Variants in KIF1B observed in about 807,000 individuals in gnomAD.
KIF1B encodes kinesin family member 1B, also known as kinesin-like protein KIF1B.
Under a neutral mutation model 241.9 loss-of-function variants are expected in KIF1B, and 76 were observed. The ratio of observed to expected loss-of-function variants is 0.31; its 90% CI spans 0.26 to 0.38. The LOEUF (loss-of-function observed/expected upper bound fraction) is 0.38, where lower values mean the gene tolerates loss of function less well. Among genes scored for constraint, KIF1B ranks in the 10% least tolerant of loss-of-function variants. The pLI is 1.00. For synonymous variants in KIF1B, 750 were observed against 796.7 expected (o/e 0.94, Z 0.99); for missense variants, 1,622 against 2,271.4 (o/e 0.71, Z 5.81).
chr1:10,215,833 G>A (rs149757732), intron 1 of KIF1B, among the ~76,000 whole-genome samples: 7 of 152,274 alleles, frequency 4.6e-5, no homozygotes, highest in South Asian at 2.1e-4. Flanking sequence ...AAAGGCATGA[G>A]CCCCTGTGCC....
At chr1:10,332,776 A>G (rs1652002635) in intron 27 of KIF1B, among the ~76,000 whole-genome samples, 1 of 149,470 alleles carries the variant, frequency 6.7e-6, no homozygotes, top group African/African-American at 2.5e-5. Flanking sequence ...CGGCCTCCCA[A>G]AGTGCTGGGA....
At chr1:10,245,004 T>C (rs1647190387) in intron 2 of KIF1B, among the ~76,000 whole-genome samples, 1 of 152,196 alleles carries the variant, frequency 6.6e-6, no homozygotes, top group Non-Finnish European at 1.5e-5. Context: ...CTAAACGTGC[T>C]TGGTTACTAA....
At chr1:10,271,331 T>TTTAA (rs1487332402) in intron 7 of KIF1B, among the ~76,000 whole-genome samples, 171 bp from the exon 8 acceptor site, 2 of 152,208 alleles carry the variant, frequency 1.3e-5, no homozygotes, top group Non-Finnish European at 2.9e-5. Context: ...GTGTGTACTG[T>TTTAA]TTAAACTAAC....
intron 32 of KIF1B, among the ~76,000 whole-genome samples, chr1:10,341,640 C>T (rs565471699): frequency 6.6e-6 from 1 of 152,250 alleles, no homozygotes; most frequent in South Asian, 2.1e-4. Context: ...AAGAGTCCTG[C>T]ATAGTAAAAT....
In KIF1B at chr1:10,380,680, T is replaced by A. The variant is rs1638999079; in HGVS notation, c.*4093T>A. 3 of 200,244 alleles carry A rather than the reference T, an allele frequency of 1.5e-5. No homozygotes were observed. The Admixed American group carries it at 1.8e-4, about 12-fold the overall frequency. 12.4% of individuals were successfully genotyped at this position (200,244 alleles called of 1,614,324 possible). On this transcript the variant is annotated 3_prime_UTR_variant, in exon 49 of 49. Coordinates refer to ENST00000676179, the MANE Select transcript of KIF1B (RefSeq NM_001365951.3). ...GAGACTGCACCATTGCACTCCAGCC[T>A]GGGTGACAAAGCAGGACTCCGTCTC...
intron 1 of KIF1B, among the ~76,000 whole-genome samples, chr1:10,212,707 G>A (rs942333250): frequency 2.6e-5 from 4 of 151,680 alleles, no homozygotes; most frequent in Admixed American, 1.3e-4. Context: ...AACAGAGTGG[G>A]ACTCTGTCTC....
chr1:10,277,632 C>T (rs893744295), intron 12 of KIF1B, among the ~76,000 whole-genome samples: 2 of 152,102 alleles, frequency 1.3e-5, no homozygotes, highest in Non-Finnish European at 2.9e-5. Context: ...AGCTGCCTCC[C>T]GAGGCCTGTA....
intron 37 of KIF1B, 73 bp from the exon 38 acceptor site, chr1:10,352,558 C>T: frequency 7.5e-7 from 1 of 1,327,836 alleles, no homozygotes. Context: ...TTAAAAGTCT[C>T]TTTTGGGCTT....
intron 2 of KIF1B, among the ~76,000 whole-genome samples, chr1:10,254,339 T>C (rs2102177460): frequency 6.6e-6 from 1 of 152,312 alleles, no homozygotes; most frequent in African/African-American, 2.4e-5. Context: ...TGGATAAACA[T>C]TATCACAGAG....
chr1:10,346,051 C>T (rs558523727), intron 35 of KIF1B, 98 bp downstream of exon 35: 1 of 807,188 alleles, frequency 1.2e-6, no homozygotes, highest in East Asian at 2.7e-5. Context: ...GAATCATTGT[C>T]ACTGTCAAAT....
chr1:10,221,595 T>G (rs1271526092), intron 1 of KIF1B, among the ~76,000 whole-genome samples: 1 of 152,182 alleles, frequency 6.6e-6, no homozygotes, highest in Admixed American at 6.6e-5. Context: ...CTGCTTGGTC[T>G]TCATGGAAAG....
Position 10,296,964 on chromosome 1 carries a change from GCGAGAGA to G in KIF1B, c.1930_1936del (p.Glu645LeufsTer28). ...ACCACCCGGAACAAGCACGAGCTGA[GCGAGAGA>G]AGACTCCTTCTGCTGAGACCCCCTC... On this transcript the variant is annotated frameshift_variant, in exon 21 of 49. Transcript: ENST00000676179. LOFTEE classifies it high-confidence loss of function. 1 of 1,614,112 alleles carries G rather than the reference GCGAGAGA, an allele frequency of 6.2e-7. No individual in the cohort carries two copies. The highest frequency in any genetic ancestry group is 2.2e-5 in the East Asian group (1 of 44,882).
chr1:10,213,840 G>T (rs960345203), intron 1 of KIF1B, among the ~76,000 whole-genome samples: 1 of 152,056 alleles, frequency 6.6e-6, no homozygotes, highest in Non-Finnish European at 1.5e-5. Flanking sequence ...GGAAAAACCT[G>T]CAAAAGGTGC....
chr1:10,345,998 A>G lies in KIF1B; in HGVS notation c.3797+45A>G, dbSNP rs747629994. On this transcript the variant is annotated intron_variant, in intron 35 of 48. Transcript: ENST00000676179. ...TTTTTAAATAAGGCAAAATGTTTCA[A>G]ATTAGGAAATGCAATTTTGAATCTT... The G allele has an allele frequency of 5.7e-6, 7 of 1,234,624 alleles. No homozygotes were observed. The African/African-American group carries it at 7.4e-5, about 13-fold the overall frequency. 76.5% of individuals were successfully genotyped at this position (1,234,624 alleles called of 1,614,324 possible). A position where few individuals can be genotyped will look rare whatever the true frequency, so the allele number is the denominator to read the frequency against.
chr1:10,324,014 A>G lies in KIF1B; in HGVS notation c.2489A>G (p.Gln830Arg), dbSNP rs909658277. 6.2e-7 allele frequency: 1 copy of G among 1,614,102 alleles called. No homozygotes were observed. The highest frequency in any genetic ancestry group is 8.5e-7 in the Non-Finnish European group (1 of 1,180,044). Residue 830 changes from glutamine to arginine, a missense_variant, in exon 25 of 49, where the codon CAG (glutamine) becomes CGG (arginine). Gln to Arg is a conservative substitution (Grantham distance 43). This residue lies in a region of KIF1B where 803 missense variants were observed against 1,112.0 expected (regional missense o/e 0.72). Coordinates refer to ENST00000676179, the MANE Select transcript of KIF1B (RefSeq NM_001365951.3). ...CGCACAGTGGTAGCAGTAGAAGTCC[A>G]GGATTTGAAGAATGGAGCAACACAC... ...FPRTVVAVEV[Q>R]DLKNGATHYW...
At chr1:10,315,171 CTTTTTTTT>C (rs765236286) in intron 22 of KIF1B, among the ~76,000 whole-genome samples, 6 of 80,064 alleles carry the variant, frequency 7.5e-5, no homozygotes, top group Admixed American at 2.7e-4. Flanking sequence ...CAAGAATATT[CTTTTTTTT>C]TTTTTTTTTT....
intron 19 of KIF1B, 104 bp from the exon 20 acceptor site, chr1:10,296,478 A>C (rs984933956): frequency 5.3e-6 from 5 of 934,722 alleles, no homozygotes; most frequent in Non-Finnish European, 8.5e-6. Context: ...GATTGATTGC[A>C]GGGATTTATT....
intron 22 of KIF1B, among the ~76,000 whole-genome samples, chr1:10,311,112 C>T (rs1031521530): frequency 6.6e-6 from 1 of 151,324 alleles, no homozygotes; most frequent in African/African-American, 2.5e-5. Flanking sequence ...TTCTCTTTTA[C>T]ATCATCAGTT....
chr1:10,224,715 T>C (rs1383106630), intron 1 of KIF1B, among the ~76,000 whole-genome samples: 1 of 150,164 alleles, frequency 6.7e-6, no homozygotes, highest in Admixed American at 6.6e-5. Flanking sequence ...TGAGGAACCA[T>C]GCCTGGCCCC....
Sources: gnomAD v4.1 joint callset for allele counts (sites outside exome capture counted in the v4.1 genomes callset) on GRCh38, gnomAD v4.1.1 for gene constraint, gnomAD v4.1.1 regional missense constraint, MANE v1.5 for transcripts, NCBI Gene and HGNC (gene_info 2026-07-23, HGNC 2026-07-21) for gene names.